PEX14: variants seen among roughly 807,000 people sequenced by gnomAD.
PEX14 encodes the protein peroxisomal membrane protein PEX14.
Under a neutral mutation model 49.5 loss-of-function variants are expected in PEX14, and 15 were observed. The ratio of observed to expected loss-of-function variants is 0.30; its 90% confidence interval spans 0.20 to 0.47. The LOEUF (loss-of-function observed/expected upper bound fraction) is 0.47. PEX14 is among the 20% of genes least tolerant of loss of function. The probability of loss-of-function intolerance (pLI) is 1.00; values close to 1 mark genes in which losing one functional copy is unlikely to be tolerated. For synonymous variants in PEX14, 210 were observed against 212.7 expected (o/e 0.99, Z 0.11); for missense variants, 398 against 494.8 (o/e 0.80, Z 1.86).
At chr1:10,545,713 A>T (rs937452555) in intron 3 of PEX14, among the ~76,000 whole-genome samples, 1 of 152,222 alleles carries the variant, frequency 6.6e-6, no homozygotes, top group Non-Finnish European at 1.5e-5. Flanking sequence ...AAATGGGATT[A>T]ATGATAATAT....
Position 10,628,743 on chromosome 1 carries a change from T to G in PEX14, c.678-788T>G, listed in dbSNP as rs1284623727. Among the ~76,000 whole-genome samples, 1 of 152,130 alleles carries G rather than the reference T, an allele frequency of 6.6e-6. No individual in the cohort carries two copies. Among genetic ancestry groups the G allele is most frequent in the Non-Finnish European group, 1.5e-5 (1 of 67,994 alleles). ...TGCCCCACTCAAGTGGGGTCTGTGG[T>G]GGGAGAGTTGTGTCTAAGGCCCCTG... On this transcript the variant is annotated intron_variant, in intron 8 of 8. Transcript: ENST00000356607. This position sits in a 1 kb window ranked among gnomAD's most constrained non-coding sequence, Gnocchi z 4.5.
chr1:10,604,918 G>A (rs1310572541), intron 4 of PEX14, among the ~76,000 whole-genome samples: 2 of 152,166 alleles, frequency 1.3e-5, no homozygotes, highest in South Asian at 4.1e-4. Context: ...TGCCGAGCCT[G>A]TAGTGCCTAC....
intron 4 of PEX14, among the ~76,000 whole-genome samples, chr1:10,609,053 T>G (rs1303954016): frequency 1.3e-5 from 2 of 152,238 alleles, no homozygotes; most frequent in Non-Finnish European, 1.5e-5. Context: ...CTTAACCTGA[T>G]GTTTTTGAGG....
chr1:10,543,831 C>T (rs1639090584), intron 3 of PEX14, among the ~76,000 whole-genome samples: 1 of 152,156 alleles, frequency 6.6e-6, no homozygotes, highest in Non-Finnish European at 1.5e-5. Flanking sequence ...AACTCTCGGC[C>T]TCAAGTCATC....
rs117554000 is a variant in PEX14, at chr1:10,547,333, G to A, written c.169+11036G>A. On this transcript the variant is annotated intron_variant, in intron 3 of 8. Transcript: ENST00000356607. ...AAAGCAGCAAGAACAGCAGTCCTCT[G>A]CCTCATTTCCACTTTCCAAATTGTC... Among the ~76,000 whole-genome samples the A allele has an allele frequency of 3.1e-4, 47 of 152,304 alleles. 1 individual carries two copies. The East Asian group carries it at 7.9e-3, about 26-fold the overall frequency.
In PEX14 at chr1:10,512,639, T is replaced by A. The variant is rs116317652; in HGVS notation, c.84+17318T>A. Among the ~76,000 whole-genome samples, 544 of 152,308 alleles carry A rather than the reference T, an allele frequency of 3.6e-3. 2 individuals are homozygous for A. The highest frequency in any genetic ancestry group is 0.013 in the African/African-American group (530 of 41,572). On this transcript the variant is annotated intron_variant, in intron 2 of 8. Coordinates refer to ENST00000356607, the MANE Select transcript of PEX14 (RefSeq NM_004565.3). The surrounding 1 kb of genome is among the most constrained non-coding windows in gnomAD (Gnocchi z 4.6). ...CTAGTTATAATGAAAAAGAACAATA[T>A]ATTCAGATGCATAGGATCGTTTTTA...
chr1:10,520,834 C>T (rs2483677), intron 2 of PEX14, among the ~76,000 whole-genome samples: 36,597 of 152,094 alleles, frequency 0.24, 5,211 homozygotes, highest in Admixed American at 0.33. Flanking sequence ...ATGTACAGGG[C>T]AGCGTTAAAT....
chr1:10,491,986 CATGCTTCTTAT>C, intron 1 of PEX14, among the ~76,000 whole-genome samples: 1 of 152,224 alleles, frequency 6.6e-6, no homozygotes, highest in East Asian at 1.9e-4. Context: ...CCCGGCCGGC[CATGCTTCTTAT>C]ATGCTTTGAA....
intron 3 of PEX14, among the ~76,000 whole-genome samples, chr1:10,546,674 G>A (rs1222625862): frequency 6.7e-6 from 1 of 150,196 alleles, no homozygotes; most frequent in Non-Finnish European, 1.5e-5. Flanking sequence ...AGACCATCCT[G>A]GCCAACACCG....
At chr1:10,535,430 A>G (rs1638770793) in intron 2 of PEX14, among the ~76,000 whole-genome samples, 2 of 152,224 alleles carry the variant, frequency 1.3e-5, no homozygotes, top group Non-Finnish European at 2.9e-5. Context: ...ATGAAACTCC[A>G]AACTTTGCCC....
intron 3 of PEX14, among the ~76,000 whole-genome samples, chr1:10,588,159 G>A (rs1640557422): frequency 1.3e-5 from 2 of 151,972 alleles, no homozygotes; most frequent in Admixed American, 1.3e-4. Context: ...GGCTAAGGTT[G>A]CAGTGAGCCG....
intron 2 of PEX14, among the ~76,000 whole-genome samples, chr1:10,522,452 C>G (rs1260718475): frequency 6.6e-6 from 1 of 152,222 alleles, no homozygotes; most frequent in Non-Finnish European, 1.5e-5. Flanking sequence ...TCATTATGAG[C>G]ATTCAAGAGG....
chr1:10,545,890 T>G (rs538279890), intron 3 of PEX14, among the ~76,000 whole-genome samples: 2 of 151,908 alleles, frequency 1.3e-5, no homozygotes, highest in South Asian at 4.1e-4. Flanking sequence ...CAAAAAAAAT[T>G]AAAAATTAGC....
chr1:10,605,354 C>T (rs1188975633), intron 4 of PEX14, among the ~76,000 whole-genome samples: 1 of 152,158 alleles, frequency 6.6e-6, no homozygotes, highest in Admixed American at 6.6e-5. Context: ...TAGAGGGAAG[C>T]CCTCCATTGC....
At chr1:10,587,362 C>A (rs1049665234) in intron 3 of PEX14, among the ~76,000 whole-genome samples, 1 of 151,736 alleles carries the variant, frequency 6.6e-6, no homozygotes, top group Non-Finnish European at 1.5e-5. Flanking sequence ...GGCTGAGGCA[C>A]GAGAATTGCT....
chr1:10,597,721 G>T lies in PEX14; in HGVS notation c.170-1517G>T, dbSNP rs772992157. On this transcript the variant is annotated intron_variant, in intron 3 of 8. Transcript: ENST00000356607. The surrounding 1 kb of genome is among the most constrained non-coding windows in gnomAD (Gnocchi z 5.7). ...CAGTGGTGAGGCTGTGCCTGCCCTT[G>T]GCCAGCTCCACTGTGTGAAGAGGGT... 6.6e-6 allele frequency among the ~76,000 whole-genome samples: 1 copy of T among 152,198 alleles called. No individual in the cohort carries two copies. The highest frequency in any genetic ancestry group is 1.5e-5 in the Non-Finnish European group (1 of 68,040).
chr1:10,524,859 CAA>C (rs1247035330), intron 2 of PEX14, among the ~76,000 whole-genome samples: 1 of 152,054 alleles, frequency 6.6e-6, no homozygotes, highest in Non-Finnish European at 1.5e-5. Flanking sequence ...TTAAAAAAAA[CAA>C]ATTTTTTTTT....
intron 2 of PEX14, among the ~76,000 whole-genome samples, chr1:10,502,883 C>G (rs1283796861): frequency 6.6e-6 from 1 of 151,198 alleles, no homozygotes; most frequent in Non-Finnish European, 1.5e-5. Context: ...TGCAGCCCCC[C>G]ACCTCTTGGG....
At chr1:10,593,117 G>A (rs956824369) in intron 3 of PEX14, among the ~76,000 whole-genome samples, 1 of 152,186 alleles carries the variant, frequency 6.6e-6, no homozygotes, top group African/African-American at 2.4e-5. Context: ...GCTGGGTGAT[G>A]TCCAGTGTCC....
Sources: gnomAD v4.1 joint callset for allele counts (sites outside exome capture counted in the v4.1 genomes callset) on GRCh38, gnomAD v4.1.1 for gene constraint, Gnocchi (gnomAD v3.1) non-coding constraint, MANE v1.5 for transcripts, NCBI Gene and HGNC (gene_info 2026-07-23, HGNC 2026-07-21) for gene names.